The following LDLRAD4 variants were observed in gnomAD, a reference collection of about 807,000 sequenced individuals.
LDLRAD4 encodes the protein low density lipoprotein receptor class A domain containing 4.
LDLRAD4 carries 5 observed loss-of-function variants against 17.0 expected under a neutral mutation model. The ratio of observed to expected loss-of-function variants is 0.29; its 90% CI spans 0.15 to 0.62. LDLRAD4 has a LOEUF of 0.62. LDLRAD4 is among the 20% of genes least tolerant of loss of function. The pLI, the probability that LDLRAD4 is intolerant of heterozygous loss-of-function variation, is 0.84. For missense variants in LDLRAD4, 340 were observed against 424.7 expected (o/e 0.80, Z 1.75); for synonymous variants, 168 against 171.8 (o/e 0.98, Z 0.17).
At chr18:13,264,950 T>C (rs1201123259) in intron 1 of LDLRAD4, among the ~76,000 whole-genome samples, 2 of 152,200 alleles carry the variant, frequency 1.3e-5, no homozygotes, top group Admixed American at 1.3e-4. Context: ...AATTGATCTG[T>C]AAAATTATAT....
At chr18:13,619,349 G>A (rs2040377314) in intron 3 of LDLRAD4, among the ~76,000 whole-genome samples, 1 of 152,108 alleles carries the variant, frequency 6.6e-6, no homozygotes, top group Non-Finnish European at 1.5e-5. Flanking sequence ...CATGGCCTGT[G>A]AGCAGAAATA....
intron 1 of LDLRAD4, among the ~76,000 whole-genome samples, chr18:13,257,957 GCTGAGGC>G (rs1464416037): frequency 6.6e-6 from 1 of 152,206 alleles, no homozygotes; most frequent in Non-Finnish European, 1.5e-5. Context: ...GTAATGCCAG[GCTGAGGC>G]AGAAGGATCG....
intron 3 of LDLRAD4, among the ~76,000 whole-genome samples, chr18:13,475,096 G>A (rs2092904616): frequency 6.6e-6 from 1 of 152,200 alleles, no homozygotes; most frequent in African/African-American, 2.4e-5. Context: ...CGTGACTCCA[G>A]AGGGAAGTGG....
At chr18:13,268,883 A>C (rs969052901) in intron 1 of LDLRAD4, among the ~76,000 whole-genome samples, 14 of 152,274 alleles carry the variant, frequency 9.2e-5, no homozygotes, top group African/African-American at 3.4e-4. Flanking sequence ...GATTTAAAAA[A>C]TGAAGACAGT....
intron 3 of LDLRAD4, chr18:13,523,037 A>G (rs953886930): frequency 6.6e-6 from 1 of 152,198 alleles, no homozygotes; most frequent in Non-Finnish European, 1.5e-5. Context: ...CATTCTAGAT[A>G]GCCTGTGCCC....
chr18:13,583,912 G>A (rs952585694), intron 3 of LDLRAD4, among the ~76,000 whole-genome samples: 2 of 152,164 alleles, frequency 1.3e-5, no homozygotes, highest in African/African-American at 2.4e-5. Flanking sequence ...CTCACAGAGC[G>A]GGGTCACCTC....
At chr18:13,264,464 A>G (rs1237220201) in intron 1 of LDLRAD4, among the ~76,000 whole-genome samples, 2 of 152,286 alleles carry the variant, frequency 1.3e-5, no homozygotes, top group African/African-American at 2.4e-5. Context: ...ATTCACCATC[A>G]TTCAATTCCA....
intron 1 of LDLRAD4, among the ~76,000 whole-genome samples, chr18:13,245,246 C>T (rs887420453): frequency 2.6e-5 from 4 of 152,208 alleles, no homozygotes; most frequent in African/African-American, 9.6e-5. Context: ...TCATCCCAGC[C>T]CCTCTATTCT....
intron 3 of LDLRAD4, among the ~76,000 whole-genome samples, chr18:13,567,535 G>C (rs984576187): frequency 3.3e-5 from 5 of 152,082 alleles, no homozygotes; most frequent in Non-Finnish European, 7.4e-5. Flanking sequence ...CAAGCTGTTT[G>C]AGGCTCTTAA....
At chr18:13,477,554 A>G (rs2092974321) in intron 3 of LDLRAD4, among the ~76,000 whole-genome samples, 1 of 152,216 alleles carries the variant, frequency 6.6e-6, no homozygotes, top group Admixed American at 6.5e-5. Context: ...TGATCTTTGG[A>G]AACAAAGAGG....
intron 1 of LDLRAD4, among the ~76,000 whole-genome samples, chr18:13,236,817 T>A (rs1305633671): frequency 6.6e-6 from 1 of 152,190 alleles, no homozygotes; most frequent in African/African-American, 2.4e-5. Context: ...TGTGTTGACA[T>A]CTTCCTCTGA....
At chr18:13,454,488 C>A (rs573804481) in intron 3 of LDLRAD4, among the ~76,000 whole-genome samples, 72 of 152,278 alleles carry the variant, frequency 4.7e-4, no homozygotes, top group African/African-American at 1.4e-3. Context: ...CATCTTTGCC[C>A]TTATTACTAG....
chr18:13,526,839 A>G (rs1330309469), intron 3 of LDLRAD4, among the ~76,000 whole-genome samples: 1 of 152,124 alleles, frequency 6.6e-6, no homozygotes, highest in East Asian at 1.9e-4. Flanking sequence ...AAGGCTTCTG[A>G]GTGCTGGTCC....
intron 2 of LDLRAD4, among the ~76,000 whole-genome samples, chr18:13,417,201 G>A (rs1383929251): frequency 6.6e-6 from 1 of 152,172 alleles, no homozygotes; most frequent in Non-Finnish European, 1.5e-5. Flanking sequence ...CTGTAGTAGG[G>A]ATACACCCAG....
intron 2 of LDLRAD4, among the ~76,000 whole-genome samples, chr18:13,433,560 C>T (rs2090472341): frequency 6.6e-6 from 1 of 152,098 alleles, no homozygotes; most frequent in Non-Finnish European, 1.5e-5. Context: ...GTTGACTCTA[C>T]CAAGCAGATT....
intron 3 of LDLRAD4, among the ~76,000 whole-genome samples, chr18:13,616,539 G>C (rs1396306544): frequency 6.6e-6 from 1 of 152,204 alleles, no homozygotes; most frequent in Non-Finnish European, 1.5e-5. Context: ...AGAGTCCCCA[G>C]AGCAAGGCTC....
At chr18:13,469,452 A>T (rs1018336048) in intron 3 of LDLRAD4, among the ~76,000 whole-genome samples, 1 of 152,238 alleles carries the variant, frequency 6.6e-6, no homozygotes, top group African/African-American at 2.4e-5. Context: ...TTACAGCATT[A>T]TTCACAATGG....
At chr18:13,388,813 A>C in intron 2 of LDLRAD4, among the ~76,000 whole-genome samples, 1 of 152,322 alleles carries the variant, frequency 6.6e-6, no homozygotes, top group East Asian at 1.9e-4. Flanking sequence ...GGTCTTCCCA[A>C]CCTCGGCCGC....
intron 3 of LDLRAD4, among the ~76,000 whole-genome samples, chr18:13,453,580 A>G (rs959727521): frequency 2.0e-5 from 3 of 152,206 alleles, no homozygotes; most frequent in Non-Finnish European, 2.9e-5. Context: ...ATTAACTTTA[A>G]TGAGATAAAT....
Sources: gnomAD v4.1 joint callset for allele counts (sites outside exome capture counted in the v4.1 genomes callset) on GRCh38, gnomAD v4.1.1 for gene constraint, MANE v1.5 for transcripts, NCBI Gene and HGNC (gene_info 2026-07-23, HGNC 2026-07-21) for gene names.